Variants in BCAS3 observed in about 807,000 individuals in gnomAD.
The protein encoded by BCAS3 is BCAS4/BCAS3 fusion.
Under a neutral mutation model 116.1 loss-of-function variants are expected in BCAS3, and 53 were observed. The ratio of observed to expected loss-of-function variants is 0.46; its 90% CI spans 0.37 to 0.57. BCAS3 has a LOEUF of 0.57. Among genes scored for constraint, BCAS3 ranks in the 20% least tolerant of loss-of-function variants. The pLI, the probability that BCAS3 is intolerant of heterozygous loss-of-function variation, is 0.00. For missense variants in BCAS3, 917 were observed against 1,165.4 expected, an observed-to-expected ratio of 0.79 and a Z score of 3.10; for synonymous variants, 391 against 408.2, an observed-to-expected ratio of 0.96 and a Z score of 0.51.
rs906596615 is a variant in BCAS3, at chr17:61,343,570, C to T, written c.2426-24757C>T. Among the ~76,000 whole-genome samples, 1 of 152,124 alleles carries T rather than the reference C, an allele frequency of 6.6e-6. No homozygotes were observed. Among genetic ancestry groups the T allele is most frequent in the African/African-American group, 2.4e-5 (1 of 41,404 alleles). On this transcript the variant is annotated intron_variant, in intron 22 of 23. Coordinates refer to ENST00000407086, the MANE Select transcript of BCAS3 (RefSeq NM_017679.5). This position sits in a 1 kb window ranked among gnomAD's most constrained non-coding sequence, Gnocchi z 5.5. ...TTGAAAAACTCACTTGATGTGAGGC[C>T]CCTTGGAGAAGTACTGGTTGAGGAA...
At chr17:60,917,829 G>A (rs2058854082) in intron 12 of BCAS3, among the ~76,000 whole-genome samples, 1 of 152,188 alleles carries the variant, frequency 6.6e-6, no homozygotes, top group African/African-American at 2.4e-5. Context: ...CTGACCTCAA[G>A]TGATCTGCCT....
chr17:61,114,939 A>G (rs1156253757), intron 22 of BCAS3, among the ~76,000 whole-genome samples: 2 of 152,116 alleles, frequency 1.3e-5, no homozygotes, highest in Non-Finnish European at 2.9e-5. Flanking sequence ...AACGCCTCAT[A>G]TCTACAACTA....
intron 19 of BCAS3, among the ~76,000 whole-genome samples, chr17:61,049,142 A>G (rs1466160111): frequency 2.6e-5 from 4 of 151,812 alleles, no homozygotes; most frequent in Admixed American, 6.6e-5. Flanking sequence ...TAAAGAAAAC[A>G]TTTGAAAAAT....
rs1213042724 is a variant in BCAS3 at position 61,130,085 on chromosome 17, G to C, written c.2425+45521G>C. Among the ~76,000 whole-genome samples the C allele has an allele frequency of 1.3e-5, 2 of 152,190 alleles. No individual in the cohort carries two copies. Among genetic ancestry groups the C allele is most frequent in the Non-Finnish European group, 2.9e-5 (2 of 68,032 alleles). ...TCAGACAGCTGGCAGGTCCAAGATA[G>C]AGCATATGGATGATGCTCTAATGAC... On this transcript the variant is annotated intron_variant, in intron 22 of 23. Coordinates refer to ENST00000407086, the MANE Select transcript of BCAS3 (RefSeq NM_017679.5). This position sits in a 1 kb window ranked among gnomAD's most constrained non-coding sequence, Gnocchi z 5.0.
At chr17:61,035,588 A>G (rs2066959112) in intron 17 of BCAS3, among the ~76,000 whole-genome samples, 1 of 151,334 alleles carries the variant, frequency 6.6e-6, no homozygotes, top group Non-Finnish European at 1.5e-5. Flanking sequence ...ATCTCAAAAA[A>G]AAAAAAAAAA....
intron 22 of BCAS3, among the ~76,000 whole-genome samples, chr17:61,210,038 C>A (rs1362430073): frequency 6.6e-6 from 1 of 152,158 alleles, no homozygotes; most frequent in African/African-American, 2.4e-5. Context: ...TGAATGTGGT[C>A]CAGTCTTCAG....
intron 7 of BCAS3, among the ~76,000 whole-genome samples, chr17:60,863,044 A>G (rs927600093): frequency 6.6e-6 from 1 of 152,304 alleles, no homozygotes; most frequent in Middle Eastern, 3.4e-3. Flanking sequence ...TCCTTGACAC[A>G]TAGTTTTTGC....
In BCAS3 at chr17:60,792,512, G is replaced by A. The variant is rs535662292; in HGVS notation, c.404-15492G>A. On this transcript the variant is annotated intron_variant, in intron 6 of 23. Transcript: ENST00000407086. The stretch of plus-strand genomic sequence containing the variant: ...CCAGTGGGCCCCGAGGGAAACTTGG[G>A]CAGCAGTGCTACTGGCCACAGAGGT... Among the ~76,000 whole-genome samples, 13 of 152,352 alleles carry A rather than the reference G, an allele frequency of 8.5e-5. No individual in the cohort carries two copies. In the South Asian group the frequency reaches 1.0e-3, roughly 12 times the overall value.
chr17:60,878,003 CTTTTTTTTTCT>C (rs1410894551), intron 9 of BCAS3, among the ~76,000 whole-genome samples: 53 of 134,118 alleles, frequency 4.0e-4, no homozygotes, highest in African/African-American at 1.8e-3. Flanking sequence ...CCAGTAATGT[CTTTTTTTTTCT>C]TTTTTTTTTT....
At chr17:60,906,923 A>G (rs1218065424) in intron 11 of BCAS3, among the ~76,000 whole-genome samples, 1 of 152,264 alleles carries the variant, frequency 6.6e-6, no homozygotes, top group East Asian at 1.9e-4. Flanking sequence ...CTGAAAGTGT[A>G]ATCATTACTC....
At position 61,032,655 on chromosome 17, in the gene BCAS3, T is replaced by C. The variant is rs1009631101; in HGVS notation, c.1638-2011T>C. The stretch of plus-strand genomic sequence containing the variant: ...TGTTCAGGTATAGGGCAGAGAAGAG[T>C]CTTCCTTTCTGGAGGTATGTTACTA... On this transcript the variant is annotated intron_variant, in intron 16 of 23. Transcript: ENST00000407086. This position sits in a 1 kb window ranked among gnomAD's most constrained non-coding sequence, Gnocchi z 4.6. Among the ~76,000 whole-genome samples the C allele has an allele frequency of 5.3e-5, 8 of 151,954 alleles. No homozygotes were observed. The highest frequency in any genetic ancestry group is 2.1e-4 in the South Asian group (1 of 4,810).
chr17:60,753,384 T>TTTA (rs2042673884), intron 6 of BCAS3, among the ~76,000 whole-genome samples: 1 of 10,808 alleles, frequency 9.3e-5, no homozygotes, highest in East Asian at 5.1e-3. Context: ...TGTCTCTTAT[T>TTTA]TTATTTATTT....
rs192401846 is a variant in BCAS3 at position 60,977,659 on chromosome 17, C to G, written c.1222-12312C>G. Among the ~76,000 whole-genome samples, 1,052 of 149,204 alleles carry G rather than the reference C, an allele frequency of 7.1e-3. 4 individuals are homozygous for G. Among genetic ancestry groups the G allele is most frequent in the Non-Finnish European group, 0.013 (866 of 67,954 alleles). The stretch of plus-strand genomic sequence containing the variant: ...CAATGCTATCCCACCCCGCTCCCCC[C>G]ACCCCACAATAGTCCCCAGAGTGTG... On this transcript the variant is annotated intron_variant, in intron 14 of 23. Transcript: ENST00000407086.
At chr17:60,705,473 C>T (rs2036992563) in intron 4 of BCAS3, among the ~76,000 whole-genome samples, 1 of 143,110 alleles carries the variant, frequency 7.0e-6, no homozygotes, top group African/African-American at 2.7e-5. Context: ...GAGATCATGC[C>T]ACTGTATTCC....
rs1199271199 is a variant in BCAS3 at position 60,889,737 on chromosome 17, T to C, written c.704T>C (p.Leu235Pro). ...GGGCCAAACATGAATCCTATTGCTCTTGGGAGCCGCTGGCTTGCTTATGCA... is the reference window on the plus strand; with the variant it reads ...GGGCCAAACATGAATCCTATTGCTCCTGGGAGCCGCTGGCTTGCTTATGCA... The part of the protein sequence containing the change: ...CPGPNMNPIA[L>P]GSRWLAYAEN... The change falls in exon 10 of 24, where the codon CTT becomes CCT. Residue 235 changes from leucine to proline, a missense_variant. By Grantham distance (98) the Leu-to-Pro change is moderately conservative. Transcript: ENST00000407086. The C allele has an allele frequency of 1.2e-6, 2 of 1,613,260 alleles. No homozygotes were observed. Among genetic ancestry groups the C allele is most frequent in the African/African-American group, 2.7e-5 (2 of 74,908 alleles).
chr17:61,121,135 T>C (rs1292365451), intron 22 of BCAS3, among the ~76,000 whole-genome samples: 1 of 152,154 alleles, frequency 6.6e-6, no homozygotes, highest in African/African-American at 2.4e-5. Context: ...AAGGGGTTTA[T>C]TTTCTCTTTT....
At chr17:60,715,375 G>C (rs1441574100) in intron 5 of BCAS3, among the ~76,000 whole-genome samples, 2 of 151,838 alleles carry the variant, frequency 1.3e-5, no homozygotes, top group African/African-American at 4.8e-5. Context: ...GACTTCAAGT[G>C]ATCTGCCTGC....
intron 22 of BCAS3, among the ~76,000 whole-genome samples, chr17:61,288,529 A>T (rs1281608641): frequency 6.6e-6 from 1 of 152,128 alleles, no homozygotes. Flanking sequence ...CTTGTTGGCA[A>T]ATGTGGTGCT....
At chr17:60,812,107 A>G (rs2048887186) in intron 7 of BCAS3, among the ~76,000 whole-genome samples, 3 of 152,002 alleles carry the variant, frequency 2.0e-5, no homozygotes, top group Admixed American at 2.0e-4. Flanking sequence ...ATGGATGTAG[A>G]CCTAATATGT....
Sources: gnomAD v4.1 joint callset for allele counts (sites outside exome capture counted in the v4.1 genomes callset) on GRCh38, gnomAD v4.1.1 for gene constraint, Gnocchi (gnomAD v3.1) non-coding constraint, MANE v1.5 for transcripts, NCBI Gene and HGNC (gene_info 2026-07-23, HGNC 2026-07-21) for gene names.